Variants in TBL1Y observed in about 807,000 individuals in gnomAD.
The protein encoded by TBL1Y is transducin beta like 1 Y-linked.
TBL1Y carries 15 observed loss-of-function variants against 12.0 expected under a neutral mutation model. That is an observed-to-expected ratio of 1.25 (90% confidence interval 0.83 to 1.92). The LOEUF (loss-of-function observed/expected upper bound fraction) is 1.92, where lower values mean the gene tolerates loss of function less well. Among genes scored for constraint, TBL1Y ranks in the 40% most tolerant of loss-of-function variants. The probability of loss-of-function intolerance (pLI) is 0.00; values close to 1 mark genes in which losing one functional copy is unlikely to be tolerated. For synonymous variants in TBL1Y, 53 were observed against 42.6 expected, an observed-to-expected ratio of 1.24 and a Z score of -0.95; for missense variants, 148 against 116.7, an observed-to-expected ratio of 1.27 and a Z score of -1.24.
At chrY:7,039,387 A>G in intron 6 of TBL1Y, among the ~76,000 whole-genome samples, 1 of 33,348 alleles carries the variant, frequency 3.0e-5, no homozygotes, top group Non-Finnish European at 7.4e-5. Flanking sequence ...CTTTCTGATG[A>G]GGTCCTGTTC....
At chrY:7,063,629 T>C (rs757312988) in intron 7 of TBL1Y, among the ~76,000 whole-genome samples, 6 of 31,700 alleles carry the variant, frequency 1.9e-4, no homozygotes, top group African/African-American at 7.5e-4. Flanking sequence ...CAGGGTAGAG[T>C]AGGTAATTGA....
At chrY:6,941,099 G>A in intron 2 of TBL1Y, among the ~76,000 whole-genome samples, 1 of 33,439 alleles carries the variant, frequency 3.0e-5, no homozygotes, top group Admixed American at 2.7e-4. Flanking sequence ...GGCCTGGTCA[G>A]GTTCTGGGCT....
chrY:6,953,131 T>C, intron 2 of TBL1Y, among the ~76,000 whole-genome samples: 1 of 33,353 alleles, frequency 3.0e-5, no homozygotes, highest in African/African-American at 1.2e-4. Flanking sequence ...ATTTCAACTT[T>C]GGTGAATCTG....
chrY:6,987,803 G>A (rs1603034351), intron 3 of TBL1Y, among the ~76,000 whole-genome samples: 2 of 32,996 alleles, frequency 6.1e-5, no homozygotes, highest in Non-Finnish European at 1.5e-4. Context: ...CTCATGGAAG[G>A]GTGTTTGGGT....
intron 7 of TBL1Y, among the ~76,000 whole-genome samples, chrY:7,063,068 G>A (rs754099325): frequency 5.3e-3 from 174 of 32,726 alleles, no homozygotes; most frequent in Admixed American, 0.016. Flanking sequence ...TCCTCGCACA[G>A]GGTGGGTTCT....
intron 15 of TBL1Y, among the ~76,000 whole-genome samples, 153 bp downstream of exon 15, chrY:7,086,125 G>A: frequency 3.1e-5 from 1 of 32,096 alleles, no homozygotes; most frequent in African/African-American, 1.2e-4. Context: ...CTCAGTCAGC[G>A]TCCTACTGAG....
chrY:7,050,018 T>C, intron 7 of TBL1Y, among the ~76,000 whole-genome samples: 1 of 34,070 alleles, frequency 2.9e-5, no homozygotes, highest in Admixed American at 2.7e-4. Flanking sequence ...TAAACTCTTT[T>C]GCATTGATTA....
intron 5 of TBL1Y, among the ~76,000 whole-genome samples, chrY:7,022,846 G>A: frequency 3.1e-5 from 1 of 32,234 alleles, no homozygotes; most frequent in Non-Finnish European, 7.5e-5. Flanking sequence ...AGGAACTATT[G>A]TTATGTTCCT....
chrY:6,979,780 C>T, intron 3 of TBL1Y, among the ~76,000 whole-genome samples: 2 of 33,443 alleles, frequency 6.0e-5, no homozygotes, highest in African/African-American at 1.2e-4. Flanking sequence ...CAGGCTTAGG[C>T]GATTCTCCTG....
At chrY:7,041,599 G>T (rs767594269) in intron 6 of TBL1Y, among the ~76,000 whole-genome samples, 15 of 33,324 alleles carry the variant, frequency 4.5e-4, no homozygotes, top group African/African-American at 1.8e-3. Context: ...AAGAAGGTTA[G>T]GTTCTTGTAA....
chrY:7,058,853 C>G, intron 7 of TBL1Y, among the ~76,000 whole-genome samples: 1 of 33,193 alleles, frequency 3.0e-5, no homozygotes, highest in East Asian at 7.9e-4. Flanking sequence ...CCTCAGCCCC[C>G]ATACCATAAG....
chrY:7,021,947 A>T (rs769241642), intron 5 of TBL1Y, among the ~76,000 whole-genome samples: 6 of 33,524 alleles, frequency 1.8e-4, no homozygotes, highest in Admixed American at 8.3e-4. Context: ...GTGCTCCATT[A>T]GTTTTTTAAT....
At chrY:7,064,528 G>A (rs935496403) in intron 8 of TBL1Y, among the ~76,000 whole-genome samples, 2 of 33,639 alleles carry the variant, frequency 5.9e-5, no homozygotes, top group African/African-American at 1.2e-4. Flanking sequence ...TTGAGTTCAT[G>A]GTTCCTGCCG....
Position 7,043,017 on chromosome Y carries a change from C to T in TBL1Y, c.96C>T (p.Ser32=). 5.0e-6 allele frequency: 2 copies of T among 398,318 alleles called. No individual in the cohort carries two copies. Among genetic ancestry groups the T allele is most frequent in the East Asian group, 9.2e-5 (1 of 10,829 alleles). The change falls in exon 7 of 19, where the codon AGC becomes AGT. Residue 32 remains serine, a synonymous_variant. Transcript: ENST00000383032. ...SHSAFTFGIE[S]HISQSNINGT... is the part of the protein sequence containing the mutation. ...CGGCTTTCACGTTTGGGATCGAGAG[C>T]CACATCAGCCAGTCCAACATCAATG... is the stretch of plus-strand genomic sequence containing the variant.
intron 2 of TBL1Y, among the ~76,000 whole-genome samples, chrY:6,958,793 T>C (rs774921025): frequency 5.1e-3 from 175 of 34,135 alleles, no homozygotes; most frequent in South Asian, 0.012. Context: ...GCAGCATTGC[T>C]GCAAACATGT....
intron 6 of TBL1Y, among the ~76,000 whole-genome samples, chrY:7,033,245 A>G: frequency 3.0e-5 from 1 of 33,451 alleles, no homozygotes; most frequent in Non-Finnish European, 7.4e-5. Context: ...AGAAATGGAT[A>G]CATTCCTGGA....
At chrY:7,065,826 C>A (rs771473395) in intron 8 of TBL1Y, among the ~76,000 whole-genome samples, 5 of 33,522 alleles carry the variant, frequency 1.5e-4, no homozygotes, top group Admixed American at 1.3e-3. Context: ...CTCAGATTCT[C>A]AAAATTGAGA....
At chrY:6,926,710 T>C in intron 2 of TBL1Y, among the ~76,000 whole-genome samples, 3 of 32,953 alleles carry the variant, frequency 9.1e-5, no homozygotes, top group Non-Finnish European at 1.5e-4. Context: ...GTTCAAGCAA[T>C]TCTCCTGCCT....
chrY:7,081,108 A>T (rs768527726), intron 14 of TBL1Y, among the ~76,000 whole-genome samples: 2 of 33,613 alleles, frequency 6.0e-5, no homozygotes, highest in East Asian at 1.6e-3. Context: ...TGAGAAAAAC[A>T]TAGGGCACAT....
Sources: allele counts gnomAD v4.1 joint callset (sites outside exome capture counted in the v4.1 genomes callset), GRCh38; gene constraint gnomAD v4.1.1; transcripts MANE v1.5; gene names NCBI Gene and HGNC (gene_info 2026-07-23, HGNC 2026-07-21).